RAD51: variants seen among roughly 807,000 people sequenced by gnomAD.
RAD51 encodes RAD51 recombinase.
RAD51 carries 14 observed loss-of-function variants against 41.5 expected under a neutral mutation model. The observed-to-expected ratio is 0.34, with a 90% CI of 0.22 to 0.53. The LOEUF is 0.53. Ranked by LOEUF, RAD51 falls within the 20% of genes least tolerant of loss-of-function variation. RAD51 has a pLI of 0.95. For synonymous variants in RAD51, 136 were observed against 148.6 expected (o/e 0.92, Z 0.62); for missense variants, 234 against 422.0 (o/e 0.55, Z 3.90).
In RAD51 at chr15:40,718,768, C is replaced by T. The variant is rs199773759; in HGVS notation, c.436-37C>T. On this transcript the variant is annotated intron_variant, in intron 5 of 9. Coordinates refer to ENST00000267868, the MANE Select transcript of RAD51 (RefSeq NM_002875.5). ...AGCTTGGTCAGCTGTATCAGAAATA[C>T]AATGTTCATTTCTACTGTTGTTTTT... 1.3e-5 allele frequency: 19 copies of T among 1,504,780 alleles called. No individual in the cohort carries two copies. In the East Asian group the frequency reaches 2.7e-4, roughly 21 times the overall value. 93.2% of individuals were successfully genotyped at this position (1,504,780 alleles called of 1,614,324 possible). A position where few individuals can be genotyped will look rare whatever the true frequency, so the allele number is the denominator to read the frequency against.
intron 3 of RAD51, among the ~76,000 whole-genome samples, chr15:40,701,452 G>T (rs1894988680): frequency 7.1e-6 from 1 of 140,280 alleles, no homozygotes; most frequent in Non-Finnish European, 1.5e-5. Context: ...TCAGCTCACT[G>T]CAACCTTCAC....
At chr15:40,695,683 G>T (rs924395872) in intron 1 of RAD51, 2 of 152,242 alleles carry the variant, frequency 1.3e-5, no homozygotes, top group African/African-American at 4.8e-5. Flanking sequence ...CGAGCGAGAA[G>T]TCCGAGATCA....
rs1045975997 is a variant in RAD51, at chr15:40,729,406, C to T, written c.645-99C>T. 8.6e-5 allele frequency: 69 copies of T among 806,082 alleles called. 1 individual carries two copies. The highest frequency in any genetic ancestry group is 1.2e-4 in the Non-Finnish European group (60 of 513,546). The allele number at this position is 806,082 out of a possible 1,614,324, so 49.9% of individuals were successfully genotyped here. On this transcript the variant is annotated intron_variant, in intron 7 of 9. Transcript: ENST00000267868. ...AAAAAAAAAAAAAAAAATCTGTATA[C>T]AGGAAAAACTATGAATATGAGATTT... is the stretch of plus-strand genomic sequence containing the variant.
intron 5 of RAD51, among the ~76,000 whole-genome samples, chr15:40,709,371 CTTTTTTTTTTTTT>C (rs772005920): frequency 9.0e-6 from 1 of 110,936 alleles, no homozygotes; most frequent in Admixed American, 1.0e-4. Context: ...TTACTTGCTA[CTTTTTTTTTTTTT>C]TTTTTTTTTT....
chr15:40,719,231 G>C (rs1297371809), intron 6 of RAD51, among the ~76,000 whole-genome samples: 1 of 151,676 alleles, frequency 6.6e-6, no homozygotes, highest in Non-Finnish European at 1.5e-5. Flanking sequence ...CTAATTTTTT[G>C]TATTTTTAGT....
chr15:40,722,958 C>A (rs1896358294), intron 6 of RAD51, among the ~76,000 whole-genome samples: 1 of 152,074 alleles, frequency 6.6e-6, no homozygotes, highest in Non-Finnish European at 1.5e-5. Context: ...AATTACGTAT[C>A]TGATAAATGT....
intron 5 of RAD51, among the ~76,000 whole-genome samples, chr15:40,714,456 G>T (rs1169893358): frequency 6.6e-6 from 1 of 152,196 alleles, no homozygotes; most frequent in Non-Finnish European, 1.5e-5. Context: ...AGCATAGCAT[G>T]CTGACACTCC....
chr15:40,701,346 CTTT>C, intron 3 of RAD51, 145 bp downstream of exon 3: 4 of 693,098 alleles, frequency 5.8e-6, no homozygotes, highest in Non-Finnish European at 8.9e-6. Context: ...TTCTTTTCTT[CTTT>C]TCTTTTCTTT....
At chr15:40,701,390 T>G (rs1458618475) in intron 3 of RAD51, among the ~76,000 whole-genome samples, 189 bp downstream of exon 3, 1 of 149,462 alleles carries the variant, frequency 6.7e-6, no homozygotes, top group Admixed American at 6.7e-5. Flanking sequence ...TTTTTTTTTT[T>G]TGGAGACGGG....
chr15:40,699,676 C>T (rs1894862560), intron 2 of RAD51, among the ~76,000 whole-genome samples: 1 of 152,222 alleles, frequency 6.6e-6, no homozygotes, highest in Non-Finnish European at 1.5e-5. Flanking sequence ...GACAGGGAAG[C>T]ACCTTCTCTC....
intron 9 of RAD51, among the ~76,000 whole-genome samples, chr15:40,730,184 T>C (rs971166834): frequency 6.6e-5 from 10 of 152,148 alleles, no homozygotes; most frequent in Admixed American, 3.9e-4. Flanking sequence ...AGAATGAATA[T>C]GAGTAATTGA....
intron 8 of RAD51, 68 bp from the exon 9 acceptor site, chr15:40,729,785 T>G (rs1489022852): frequency 6.2e-7 from 1 of 1,612,320 alleles, no homozygotes; most frequent in African/African-American, 1.3e-5. Context: ...TGGGGGAAAG[T>G]GGTGGCAGCA....
intron 5 of RAD51, among the ~76,000 whole-genome samples, chr15:40,709,744 T>G (rs1895572053): frequency 6.6e-6 from 1 of 152,216 alleles, no homozygotes; most frequent in African/African-American, 2.4e-5. Context: ...AGCCTCAGTT[T>G]ACATACCCAC....
intron 1 of RAD51, among the ~76,000 whole-genome samples, chr15:40,696,800 C>A (rs1894666808): frequency 6.6e-6 from 1 of 152,038 alleles, no homozygotes; most frequent in Admixed American, 6.6e-5. Context: ...TTTAACTATT[C>A]TGCTGGTTAC....
chr15:40,729,464 C>G, intron 7 of RAD51, 41 bp from the exon 8 acceptor site: 1 of 1,597,136 alleles, frequency 6.3e-7, no homozygotes, highest in Non-Finnish European at 8.5e-7. Flanking sequence ...GAATCTGACA[C>G]AGGCTAGAAA....
chr15:40,711,946 C>T (rs1895723890), intron 5 of RAD51, among the ~76,000 whole-genome samples: 1 of 151,868 alleles, frequency 6.6e-6, no homozygotes. Context: ...GTGGGCTGTG[C>T]CTGTAGTGGC....
chr15:40,724,679 T>G (rs1438077721), intron 6 of RAD51, among the ~76,000 whole-genome samples: 3 of 113,036 alleles, frequency 2.7e-5, no homozygotes, highest in Non-Finnish European at 5.5e-5. Flanking sequence ...TATTTCTTTT[T>G]TTTTTTTTTT....
intron 5 of RAD51, among the ~76,000 whole-genome samples, chr15:40,718,279 A>G (rs183136656): frequency 4.7e-4 from 71 of 152,134 alleles, no homozygotes; most frequent in African/African-American, 1.6e-3. Context: ...ACACTTTGGG[A>G]GGCCAAGGCA....
At chr15:40,698,190 T>TG (rs1422227450) in intron 1 of RAD51, among the ~76,000 whole-genome samples, 5 of 151,768 alleles carry the variant, frequency 3.3e-5, no homozygotes, top group Non-Finnish European at 5.9e-5. Flanking sequence ...GAACTTTTTT[T>TG]TTTTTGTTTT....
Sources: gnomAD v4.1 joint callset for allele counts (sites outside exome capture counted in the v4.1 genomes callset) on GRCh38, gnomAD v4.1.1 for gene constraint, MANE v1.5 for transcripts, NCBI Gene and HGNC (gene_info 2026-07-23, HGNC 2026-07-21) for gene names.